C10orf90: variants seen among roughly 807,000 people sequenced by gnomAD.
C10orf90 encodes the protein (E2-independent) E3 ubiquitin-conjugating enzyme FATS.
A neutral mutation model predicts 62.5 loss-of-function variants in C10orf90; 56 were observed. The ratio of observed to expected loss-of-function variants is 0.90; its 90% CI spans 0.72 to 1.12. The LOEUF (loss-of-function observed/expected upper bound fraction) is 1.12. C10orf90 is among the 50% of genes most tolerant of loss of function. The pLI, the probability that C10orf90 is intolerant of heterozygous loss-of-function variation, is 0.00. For missense variants in C10orf90, 970 were observed against 880.4 expected (o/e 1.10, Z -1.29); for synonymous variants, 386 against 340.4 (o/e 1.13, Z -1.47).
chr10:126,639,290 C>T (rs1846013922), intron 2 of C10orf90, among the ~76,000 whole-genome samples: 2 of 152,166 alleles, frequency 1.3e-5, no homozygotes, highest in South Asian at 2.1e-4. Flanking sequence ...AGGAAAATCT[C>T]GTCTCCATGG....
rs948866211 is a variant in C10orf90 at position 126,504,537 on chromosome 10, C to T, written c.954G>A (p.Lys318=). The T allele has an allele frequency of 6.2e-7, 1 of 1,614,230 alleles. No individual in the cohort carries two copies. The highest frequency in any genetic ancestry group is 8.5e-7 in the Non-Finnish European group (1 of 1,180,040). The change falls in exon 4 of 10, where the codon AAG becomes AAA. Residue 318 remains lysine, a synonymous_variant. Transcript: ENST00000488181. The surrounding 1 kb of genome is among the most constrained non-coding windows in gnomAD (Gnocchi z 4.1). ...EAHTGLCERR[K]YWVTHADDKE... is the part of the protein sequence containing the mutation. Reference sequence around the variant, plus strand: ...TGTCGTCTGCATGGGTGACCCAGTACTTGCGTCTCTCACACAACCCAGTGT... The same window carrying T: ...TGTCGTCTGCATGGGTGACCCAGTATTTGCGTCTCTCACACAACCCAGTGT...
At chr10:126,662,568 A>C (rs1846538053) in intron 1 of C10orf90, among the ~76,000 whole-genome samples, 3 of 152,128 alleles carry the variant, frequency 2.0e-5, no homozygotes, top group African/African-American at 7.2e-5. Context: ...GGTTCTGTTT[A>C]GGTTTTCCCT....
At chr10:126,666,699 C>T (rs1846634069) in intron 1 of C10orf90, among the ~76,000 whole-genome samples, 1 of 152,046 alleles carries the variant, frequency 6.6e-6, no homozygotes, top group Non-Finnish European at 1.5e-5. Flanking sequence ...CACTATGAGG[C>T]CAGGCACGGT....
chr10:126,569,667 G>A (rs1844465216), intron 2 of C10orf90, among the ~76,000 whole-genome samples: 1 of 152,184 alleles, frequency 6.6e-6, no homozygotes, highest in Non-Finnish European at 1.5e-5. Flanking sequence ...AACAAGATGG[G>A]ATTTACTGGA....
chr10:126,644,588 C>A (rs1008848121), intron 2 of C10orf90, among the ~76,000 whole-genome samples: 1 of 152,222 alleles, frequency 6.6e-6, no homozygotes, highest in Admixed American at 6.5e-5. Context: ...TCCCTCCCAA[C>A]CCAGGGTTGC....
At chr10:126,460,362 G>T (rs185028374) in intron 6 of C10orf90, among the ~76,000 whole-genome samples, 25 of 152,352 alleles carry the variant, frequency 1.6e-4, no homozygotes, top group Admixed American at 4.6e-4. Flanking sequence ...AAGGCTCACT[G>T]GGCATGCTGC....
At chr10:126,593,704 A>T (rs552241404) in intron 2 of C10orf90, among the ~76,000 whole-genome samples, 1 of 152,368 alleles carries the variant, frequency 6.6e-6, no homozygotes, top group East Asian at 1.9e-4. Flanking sequence ...GTTGCAGGAA[A>T]AAAAATGAGG....
At chr10:126,506,638 C>T (rs1316339081) in intron 3 of C10orf90, among the ~76,000 whole-genome samples, 1 of 152,192 alleles carries the variant, frequency 6.6e-6, no homozygotes, top group Non-Finnish European at 1.5e-5. Context: ...TGCATTTCAA[C>T]TGCATTTCAA....
intron 2 of C10orf90, 71 bp downstream of exon 2, chr10:126,646,494 A>G: frequency 3.1e-6 from 1 of 323,278 alleles, no homozygotes; most frequent in Non-Finnish European, 6.1e-6. Flanking sequence ...AATAAAAATA[A>G]AAGAGAGAGA....
chr10:126,495,126 A>G (rs1861973038), intron 4 of C10orf90, among the ~76,000 whole-genome samples: 1 of 152,202 alleles, frequency 6.6e-6, no homozygotes, highest in African/African-American at 2.4e-5. Context: ...TTACTCATGT[A>G]TAGACGGTGC....
intron 2 of C10orf90, among the ~76,000 whole-genome samples, chr10:126,576,421 A>G (rs1425051000): frequency 6.6e-6 from 1 of 152,002 alleles, no homozygotes; most frequent in Non-Finnish European, 1.5e-5. Context: ...ATAATAAAAA[A>G]TGCTGGTGAG....
chr10:126,623,839 TCAAA>T (rs1564897229), intron 2 of C10orf90, among the ~76,000 whole-genome samples: 35 of 136,624 alleles, frequency 2.6e-4, no homozygotes, highest in Admixed American at 2.9e-4. Context: ...AGACTCCATC[TCAAA>T]AAAAAAAAAA....
chr10:126,539,945 G>A (rs1294262331), intron 2 of C10orf90, among the ~76,000 whole-genome samples: 1 of 152,184 alleles, frequency 6.6e-6, no homozygotes, highest in Non-Finnish European at 1.5e-5. Context: ...CACTATTTCA[G>A]GTGATATAAT....
intron 2 of C10orf90, among the ~76,000 whole-genome samples, chr10:126,532,693 C>T (rs1385965896): frequency 6.7e-6 from 1 of 149,892 alleles, no homozygotes; most frequent in African/African-American, 2.5e-5. Flanking sequence ...AAAAATTAGC[C>T]GGGCATGGTG....
At chr10:126,431,137 A>G (rs1204427517) in intron 7 of C10orf90, among the ~76,000 whole-genome samples, 1 of 152,234 alleles carries the variant, frequency 6.6e-6, no homozygotes, top group Non-Finnish European at 1.5e-5. Context: ...TTGACAACTG[A>G]CCAAAAACAA....
intron 3 of C10orf90, among the ~76,000 whole-genome samples, chr10:126,509,913 C>G (rs79655346): frequency 0.018 from 2,780 of 152,256 alleles, 74 homozygotes; most frequent in African/African-American, 0.062. Context: ...ACTTAAACAA[C>G]TGAACTAGTT....
intron 2 of C10orf90, among the ~76,000 whole-genome samples, chr10:126,559,437 C>T (rs1244433478): frequency 2.6e-5 from 4 of 152,232 alleles, no homozygotes; most frequent in East Asian, 1.9e-4. Flanking sequence ...TCTCAGTTGA[C>T]GAGGGCAAGT....
At chr10:126,540,530 G>A (rs1414052951) in intron 2 of C10orf90, among the ~76,000 whole-genome samples, 2 of 152,210 alleles carry the variant, frequency 1.3e-5, no homozygotes, top group East Asian at 3.9e-4. Context: ...GTGGTGCCAC[G>A]TGCCTACCGT....
chr10:126,521,705 G>GT (rs1299204204), intron 2 of C10orf90, among the ~76,000 whole-genome samples: 2 of 152,166 alleles, frequency 1.3e-5, no homozygotes, highest in Non-Finnish European at 2.9e-5. Context: ...TAATCTACTT[G>GT]TTACCAATTT....
Sources: allele counts gnomAD v4.1 joint callset (sites outside exome capture counted in the v4.1 genomes callset), GRCh38; gene constraint gnomAD v4.1.1; non-coding constraint Gnocchi (gnomAD v3.1); transcripts MANE v1.5; gene names NCBI Gene and HGNC (gene_info 2026-07-23, HGNC 2026-07-21).